NUGGC: variants seen among roughly 807,000 people sequenced by gnomAD.
NUGGC encodes the protein nuclear GTPase SLIP-GC.
NUGGC carries 58 observed loss-of-function variants against 92.6 expected under a neutral mutation model. That is an observed-to-expected ratio of 0.63 (90% confidence interval 0.51 to 0.78). NUGGC has a LOEUF of 0.78. NUGGC is among the 30% of genes least tolerant of loss of function. The pLI is 0.00. For synonymous variants in NUGGC, 376 were observed against 366.4 expected, an observed-to-expected ratio of 1.03 and a Z score of -0.30; for missense variants, 925 against 964.6, an observed-to-expected ratio of 0.96 and a Z score of 0.54.
At chr8:28,039,001 C>G (rs966959162) in intron 13 of NUGGC, among the ~76,000 whole-genome samples, 1 of 152,148 alleles carries the variant, frequency 6.6e-6, no homozygotes, top group Non-Finnish European at 1.5e-5. Context: ...TGCACGCATG[C>G]GTACATACTA....
Position 28,060,479 on chromosome 8 carries a change from G to T in NUGGC, c.1044C>A (p.Asp348Glu). Residue 348 changes from aspartate to glutamate, a missense_variant, in exon 8 of 19, where the codon GAC becomes GAA. Coordinates refer to ENST00000413272, the MANE Select transcript of NUGGC (RefSeq NM_001010906.2). ...IKACQRGFCRDVALVVTKMDK... is the reference protein window; with the variant it reads ...IKACQRGFCREVALVVTKMDK... ...CCATCTTGGTGACCACCAGGGCCACGTCCCTACAGAAGCCCCGCTGGCAGG... is the reference window on the plus strand; with the variant it reads ...CCATCTTGGTGACCACCAGGGCCACTTCCCTACAGAAGCCCCGCTGGCAGG... The T allele has an allele frequency of 1.2e-6, 2 of 1,613,858 alleles. No individual in the cohort carries two copies. Among genetic ancestry groups the T allele is most frequent in the African/African-American group, 1.3e-5 (1 of 75,010 alleles).
intron 11 of NUGGC, 133 bp from the exon 12 acceptor site, chr8:28,045,793 A>G: frequency 1.2e-6 from 1 of 841,334 alleles, no homozygotes; most frequent in East Asian, 2.5e-5. Flanking sequence ...CTGGATGCCT[A>G]CAGAACCAAC....
Position 28,068,212 on chromosome 8 carries a change from T to C in NUGGC, c.480+4A>G. On this transcript the variant is annotated splice_donor_region_variant and intron_variant, in intron 5 of 18. Coordinates refer to ENST00000413272, the MANE Select transcript of NUGGC (RefSeq NM_001010906.2). ...AAGGAAGGAGGGAGGAAGGGAACACTTACCTGGTCAGACAGAAGGTGGATT... is the reference window on the plus strand; with the variant it reads ...AAGGAAGGAGGGAGGAAGGGAACACCTACCTGGTCAGACAGAAGGTGGATT... The C allele has an allele frequency of 6.5e-7, 1 of 1,531,886 alleles. No homozygotes were observed. Among genetic ancestry groups the C allele is most frequent in the South Asian group, 1.2e-5 (1 of 83,518 alleles). The allele number at this position is 1,531,886 out of a possible 1,614,324, so 94.9% of individuals were successfully genotyped here. A position where few individuals can be genotyped will look rare whatever the true frequency, so the allele number is the denominator to read the frequency against.
chr8:28,074,573 T>C (rs1810674098), intron 1 of NUGGC, 117 bp from the exon 2 acceptor site: 1 of 676,204 alleles, frequency 1.5e-6, no homozygotes, highest in Non-Finnish European at 2.7e-6. Context: ...AACGTATCTC[T>C]GAATCCCTCA....
intron 7 of NUGGC, among the ~76,000 whole-genome samples, chr8:28,063,659 A>G (rs1460502077): frequency 2.0e-5 from 3 of 152,126 alleles, no homozygotes; most frequent in South Asian, 4.1e-4. Flanking sequence ...TCCCTCTCTG[A>G]GCCTTCATGT....
chr8:28,078,776 C>T (rs755385458), intron 1 of NUGGC, among the ~76,000 whole-genome samples: 4 of 152,124 alleles, frequency 2.6e-5, no homozygotes, highest in Admixed American at 6.5e-5. Flanking sequence ...AGAAAATGAG[C>T]TACAGGAGTA....
rs181965813 is a variant in NUGGC, at chr8:28,075,761, G to A, written c.-46-1305C>T. The stretch of plus-strand genomic sequence containing the variant: ...GTTTGCAGATATTAACTGACTAAAC[G>A]GCTTCTGTATTTGGTGGGTGTTGGG... On this transcript the variant is annotated intron_variant, in intron 1 of 18. Transcript: ENST00000413272. Among the ~76,000 whole-genome samples the A allele has an allele frequency of 1.3e-4, 20 of 152,200 alleles. No individual in the cohort carries two copies. The South Asian group carries it at 2.5e-3, about 19-fold the overall frequency.
intron 6 of NUGGC, among the ~76,000 whole-genome samples, chr8:28,065,137 G>C (rs961027181): frequency 7.2e-6 from 1 of 139,856 alleles, no homozygotes; most frequent in African/African-American, 2.6e-5. Context: ...ACTGAAAATT[G>C]ATCTGAAATT....
chr8:28,081,877 CAA>C (rs1207659479), intron 1 of NUGGC, among the ~76,000 whole-genome samples: 5 of 105,440 alleles, frequency 4.7e-5, no homozygotes, highest in African/African-American at 3.6e-5. Flanking sequence ...GACTCCATCT[CAA>C]AAAAAAAAAA....
At position 28,037,767 on chromosome 8, in the gene NUGGC, C is replaced by T. The variant is rs766287954; in HGVS notation, c.1611+3284G>A. Among the ~76,000 whole-genome samples the T allele has an allele frequency of 8.5e-4, 129 of 152,282 alleles. 1 individual carries two copies. Among genetic ancestry groups the T allele is most frequent in the Middle Eastern group, 3.4e-3 (1 of 294 alleles). ...AAGTTCACTCTTCGGAAAGCAGGCC[C>T]GGAAATGGCTATCCCCCTGTTCCTC... On this transcript the variant is annotated intron_variant, in intron 13 of 18. Coordinates refer to ENST00000413272, the MANE Select transcript of NUGGC (RefSeq NM_001010906.2).
At position 28,081,105 on chromosome 8, in the gene NUGGC, G is replaced by A. The variant is rs185853053; in HGVS notation, c.-47+2670C>T. ...AGGCCAAGGTGGGCCGATCACTTGA[G>A]GTCAGGAGTTCGAGACCAGCCTGGT... On this transcript the variant is annotated intron_variant, in intron 1 of 18. Coordinates refer to ENST00000413272, the MANE Select transcript of NUGGC (RefSeq NM_001010906.2). 1.1e-4 allele frequency among the ~76,000 whole-genome samples: 16 copies of A among 152,252 alleles called. No individual in the cohort carries two copies. In the East Asian group the frequency reaches 2.9e-3, roughly 28 times the overall value.
intron 1 of NUGGC, among the ~76,000 whole-genome samples, 163 bp downstream of exon 1, chr8:28,083,612 A>G (rs10104344): frequency 0.033 from 5,053 of 152,298 alleles, 313 homozygotes; most frequent in African/African-American, 0.12. Context: ...AATGTACCAC[A>G]CTAATACAAG....
At chr8:28,082,039 A>C (rs1350393621) in intron 1 of NUGGC, among the ~76,000 whole-genome samples, 1 of 152,178 alleles carries the variant, frequency 6.6e-6, no homozygotes, top group Non-Finnish European at 1.5e-5. Context: ...GTTTAGGTTT[A>C]AGTAACTTTG....
intron 13 of NUGGC, among the ~76,000 whole-genome samples, chr8:28,039,066 T>C (rs1366157921): frequency 6.6e-6 from 1 of 152,104 alleles, no homozygotes; most frequent in Non-Finnish European, 1.5e-5. Flanking sequence ...ACTCCAGCTG[T>C]CATCCTCCTG....
At chr8:28,056,093 C>T (rs1421539568) in intron 9 of NUGGC, 39 bp from the exon 10 acceptor site, 1 of 1,198,914 alleles carries the variant, frequency 8.3e-7, no homozygotes, top group Non-Finnish European at 1.2e-6. Flanking sequence ...CAGAGAGTAG[C>T]GTTATCAACA....
chr8:28,070,819 A>AATAT (rs200095027), intron 2 of NUGGC, among the ~76,000 whole-genome samples: 1 of 148,546 alleles, frequency 6.7e-6, no homozygotes, highest in Non-Finnish European at 1.5e-5. Context: ...ACTTACCAAA[A>AATAT]ATATATATAT....
At chr8:28,081,345 C>G (rs1280251373) in intron 1 of NUGGC, among the ~76,000 whole-genome samples, 1 of 139,642 alleles carries the variant, frequency 7.2e-6, no homozygotes. Flanking sequence ...AAAAAGAGTT[C>G]GTTGTGAGAA....
chr8:28,080,721 C>T (rs1331623456), intron 1 of NUGGC, among the ~76,000 whole-genome samples: 3 of 152,108 alleles, frequency 2.0e-5, no homozygotes, highest in Non-Finnish European at 4.4e-5. Context: ...ATTATATTTA[C>T]TATTTTATTT....
chr8:28,069,907 C>G (rs371205673), intron 3 of NUGGC, among the ~76,000 whole-genome samples: 1 of 152,188 alleles, frequency 6.6e-6, no homozygotes, highest in African/African-American at 2.4e-5. Context: ...TGCTTGGCCA[C>G]GGGCTTCAGC....
Sources: allele counts gnomAD v4.1 joint callset (sites outside exome capture counted in the v4.1 genomes callset), GRCh38; gene constraint gnomAD v4.1.1; transcripts MANE v1.5; gene names NCBI Gene and HGNC (gene_info 2026-07-23, HGNC 2026-07-21).